The following USP40 variants were observed in gnomAD, a reference collection of about 807,000 sequenced individuals.
USP40 encodes the protein ubiquitin carboxyl-terminal hydrolase 40.
In USP40, 143 loss-of-function variants were observed where a neutral mutation model predicts 166.2. The ratio of observed to expected loss-of-function variants is 0.86; its 90% CI spans 0.75 to 0.99. The LOEUF (loss-of-function observed/expected upper bound fraction) is 0.99, where lower values mean the gene tolerates loss of function less well. USP40 is among the 50% of genes least tolerant of loss of function. USP40 has a pLI of 0.00. For synonymous variants in USP40, 498 were observed against 524.0 expected, an observed-to-expected ratio of 0.95 and a Z score of 0.68; for missense variants, 1,444 against 1,479.7, an observed-to-expected ratio of 0.98 and a Z score of 0.40.
chr2:233,520,304 C>CCCA (rs1319370094), intron 17 of USP40, among the ~76,000 whole-genome samples: 2 of 152,030 alleles, frequency 1.3e-5, no homozygotes, highest in Non-Finnish European at 2.9e-5. Flanking sequence ...AAGTCTCTCA[C>CCCA]TTAGGGTCAA....
chr2:233,504,481 A>G (rs1349045992), intron 21 of USP40, among the ~76,000 whole-genome samples: 1 of 152,098 alleles, frequency 6.6e-6, no homozygotes, highest in African/African-American at 2.4e-5. Context: ...AAAAGTGAGC[A>G]AGAGTAGCCA....
intron 4 of USP40, among the ~76,000 whole-genome samples, chr2:233,558,829 A>C: frequency 6.6e-6 from 1 of 152,146 alleles, no homozygotes; most frequent in East Asian, 1.9e-4. Flanking sequence ...GATTAACGCC[A>C]AATACCAGCC....
chr2:233,515,562 G>C (rs1035931225), intron 18 of USP40, among the ~76,000 whole-genome samples: 4 of 151,854 alleles, frequency 2.6e-5, no homozygotes, highest in South Asian at 2.1e-4. Context: ...AGGTTACAAG[G>C]GTTTTTTTTT....
intron 21 of USP40, among the ~76,000 whole-genome samples, chr2:233,502,263 G>A (rs1353537487): frequency 6.6e-6 from 1 of 152,072 alleles, no homozygotes; most frequent in Non-Finnish European, 1.5e-5. Context: ...GTAAAAAACT[G>A]GGAAAATACC....
At chr2:233,532,220 T>C (rs1053511021) in intron 11 of USP40, among the ~76,000 whole-genome samples, 1 of 152,186 alleles carries the variant, frequency 6.6e-6, no homozygotes, top group African/African-American at 2.4e-5. Context: ...CTCCAGCCTC[T>C]GAATGGGTGT....
At chr2:233,562,877 C>G in intron 2 of USP40, 74 bp from the exon 3 acceptor site, 1 of 1,171,772 alleles carries the variant, frequency 8.5e-7, no homozygotes, top group Non-Finnish European at 1.2e-6. Flanking sequence ...AAAGCCAAGA[C>G]CACCTTTAAG....
At position 233,540,712 on chromosome 2, in the gene USP40, C is replaced by G. The variant is rs202235068; in HGVS notation, c.1120G>C (p.Gly374Arg). 1.4e-4 allele frequency: 218 copies of G among 1,613,216 alleles called. No individual in the cohort carries two copies. Among genetic ancestry groups the G allele is most frequent in the Non-Finnish European group, 1.8e-4 (213 of 1,179,540 alleles). Residue 374 changes from glycine (G) to arginine (R), a missense_variant, in exon 10 of 32, where the codon GGA (glycine) becomes CGA (arginine). Gly to Arg is a moderately radical substitution (Grantham distance 125, BLOSUM62 -2). Coordinates refer to ENST00000678225, the MANE Select transcript of USP40 (RefSeq NM_001365479.2). ...QLGQKLLKKI[G>R]ISWNKKYRKQ... is the part of the protein sequence containing the mutation. Reference sequence around the variant, plus strand: ...CTGTACTTCTTGTTCCAAGATATTCCTATCTTTTTCAAAAGTTTCTGGCCC... The same window carrying G: ...CTGTACTTCTTGTTCCAAGATATTCGTATCTTTTTCAAAAGTTTCTGGCCC...
intron 28 of USP40, chr2:233,487,869 G>C (rs957319369): frequency 2.0e-6 from 1 of 494,166 alleles, no homozygotes; most frequent in East Asian, 6.0e-5. Context: ...ATACTAGGAT[G>C]AAGAAAGTAG....
At chr2:233,559,706 T>C (rs2071406453) in intron 4 of USP40, 105 bp downstream of exon 4, 1 of 661,252 alleles carries the variant, frequency 1.5e-6, no homozygotes, top group African/African-American at 1.9e-5. Context: ...TCAAACAATA[T>C]GTTGAGACCC....
chr2:233,498,738 C>T (rs912880484), intron 22 of USP40, 126 bp from the exon 23 acceptor site: 4 of 720,144 alleles, frequency 5.6e-6, no homozygotes, highest in South Asian at 2.0e-5. Flanking sequence ...AAGCTATGGG[C>T]CTCCATGTTA....
chr2:233,500,468 AAC>A (rs1290014765), intron 21 of USP40, among the ~76,000 whole-genome samples: 3 of 152,232 alleles, frequency 2.0e-5, no homozygotes, highest in Non-Finnish European at 2.9e-5. Context: ...TAGTAATTAA[AAC>A]AATTTCTTGA....
Position 233,486,633 on chromosome 2 carries a change from A to T in USP40, c.3198-656T>A, listed in dbSNP as rs957732464. Among the ~76,000 whole-genome samples, 1 of 152,238 alleles carries T rather than the reference A, an allele frequency of 6.6e-6. No homozygotes were observed. The highest frequency in any genetic ancestry group is 1.5e-5 in the Non-Finnish European group (1 of 68,044). On this transcript the variant is annotated intron_variant, in intron 28 of 31. Transcript: ENST00000678225. The surrounding 1 kb of genome is among the most constrained non-coding windows in gnomAD (Gnocchi z 4.0). ...CAAGGGGAAATGAAGACTGGTTCTT[A>T]GGATGCTGAGACAATGAATGATTTT...
rs1204154299 is a variant in USP40 at position 233,540,726 on chromosome 2, A to G, written c.1106T>C (p.Leu369Pro). ...CCAAGATATTCCTATCTTTTTCAAA[A>G]GTTTCTGGCCCAGCTGATCAACAGG... The part of the protein sequence containing the change: ...LIPVDQLGQK[L>P]LKKIGISWNK... The change falls in exon 10 of 32, where the codon CTT becomes CCT. Residue 369 changes from leucine (L) to proline (P), a missense_variant. Transcript: ENST00000678225. 6.2e-7 allele frequency: 1 copy of G among 1,613,462 alleles called. No homozygotes were observed. The highest frequency in any genetic ancestry group is 1.7e-5 in the Admixed American group (1 of 59,996).
At chr2:233,523,964 T>A (rs1249594451) in intron 15 of USP40, among the ~76,000 whole-genome samples, 1 of 152,224 alleles carries the variant, frequency 6.6e-6, no homozygotes, top group East Asian at 1.9e-4. Context: ...ACAGATCAAC[T>A]GACTGGCCTT....
At chr2:233,479,281 A>G (rs577055617) in intron 31 of USP40, among the ~76,000 whole-genome samples, 49 of 152,360 alleles carry the variant, frequency 3.2e-4, no homozygotes, top group Middle Eastern at 3.4e-3. Flanking sequence ...ATGTGGAAAC[A>G]GAGCCAGGCG....
rs767544185 is a variant in USP40 at position 233,512,653 on chromosome 2, G to A, written c.2384-31C>T. ...TATAAAAGGAATATTATTTTTCTTA[G>A]AGAGCTAGGAATTAATAACCTTCAT... On this transcript the variant is annotated intron_variant, in intron 18 of 31. Coordinates refer to ENST00000678225, the MANE Select transcript of USP40 (RefSeq NM_001365479.2). 10 of 1,315,416 alleles carry A rather than the reference G, an allele frequency of 7.6e-6. No homozygotes were observed. The East Asian group carries it at 1.6e-4, about 21-fold the overall frequency. The allele number at this position is 1,315,416 out of a possible 1,614,324, so 81.5% of individuals were successfully genotyped here. A position where few individuals can be genotyped will look rare whatever the true frequency, so the allele number is the denominator to read the frequency against.
At chr2:233,522,359 TTC>T (rs910599577) in intron 16 of USP40, among the ~76,000 whole-genome samples, 27 of 152,202 alleles carry the variant, frequency 1.8e-4, no homozygotes, top group Admixed American at 2.6e-4. Flanking sequence ...GGAAATACAG[TTC>T]TTATAAACAA....
Position 233,519,656 on chromosome 2 carries a change from G to A in USP40, c.2341C>T (p.Arg781Ter), listed in dbSNP as rs566859361. 9.8e-5 allele frequency: 139 copies of A among 1,420,170 alleles called. No individual in the cohort carries two copies. The South Asian group carries it at 1.1e-3, about 12-fold the overall frequency. The allele number at this position is 1,420,170 out of a possible 1,614,324, so 88.0% of individuals were successfully genotyped here. ...TTTAATTCCTTTATGGCTTTAATTC[G>A]AATATCAAACACCATCTAAAACAGA... ...ATVNTMVFDI[R>*]IKAIKELKLM... Residue 781 changes from arginine (R) to a stop codon, truncating the protein, a stop_gained, in exon 18 of 32, where the codon CGA becomes TGA. Transcript: ENST00000678225. LOFTEE classifies it high-confidence loss of function.
At chr2:233,554,253 G>T in intron 6 of USP40, 127 bp downstream of exon 6, 1 of 979,122 alleles carries the variant, frequency 1.0e-6, no homozygotes, top group Non-Finnish European at 1.4e-6. Flanking sequence ...TACAGAAAAT[G>T]ATGTAAATAT....
Sources: allele counts gnomAD v4.1 joint callset (sites outside exome capture counted in the v4.1 genomes callset), GRCh38; gene constraint gnomAD v4.1.1; non-coding constraint Gnocchi (gnomAD v3.1); transcripts MANE v1.5; gene names NCBI Gene and HGNC (gene_info 2026-07-23, HGNC 2026-07-21).